The following ADAMTSL3 variants were observed in gnomAD, a reference collection of about 807,000 sequenced individuals.
ADAMTSL3 encodes ADAMTS-like protein 3.
Under a neutral mutation model 201.7 loss-of-function variants are expected in ADAMTSL3, and 128 were observed. The ratio of observed to expected loss-of-function variants is 0.63; its 90% CI spans 0.55 to 0.73. ADAMTSL3 has a LOEUF of 0.73. ADAMTSL3 is among the 30% of genes least tolerant of loss of function. The probability of loss-of-function intolerance (pLI) is 0.00; values close to 1 mark genes in which losing one functional copy is unlikely to be tolerated. For missense variants in ADAMTSL3, 1,990 were observed against 2,119.6 expected (o/e 0.94, Z 1.20); for synonymous variants, 738 against 748.4 (o/e 0.99, Z 0.23).
chr15:83,731,365 CAT>C (rs1349078499), intron 3 of ADAMTSL3, among the ~76,000 whole-genome samples: 1 of 152,052 alleles, frequency 6.6e-6, no homozygotes, highest in East Asian at 1.9e-4. Context: ...CAAAACATCT[CAT>C]ATCTATTAGG....
At chr15:83,824,200 C>T (rs558263541) in intron 6 of ADAMTSL3, among the ~76,000 whole-genome samples, 7 of 152,006 alleles carry the variant, frequency 4.6e-5, no homozygotes, top group South Asian at 2.1e-4. Flanking sequence ...TGTGCCATCA[C>T]GCTCAGCCAG....
chr15:83,979,959 T>C (rs2067355305), intron 20 of ADAMTSL3, among the ~76,000 whole-genome samples: 1 of 152,208 alleles, frequency 6.6e-6, no homozygotes, highest in African/African-American at 2.4e-5. Context: ...CTGGGGAACT[T>C]TAAAAAATTC....
chr15:83,812,901 A>G (rs1219577512), intron 5 of ADAMTSL3, among the ~76,000 whole-genome samples: 8 of 152,188 alleles, frequency 5.3e-5, no homozygotes, highest in Admixed American at 5.2e-4. Flanking sequence ...TTATTTCCAC[A>G]TTTACAGAGG....
At chr15:83,836,500 A>T (rs1019029304) in intron 6 of ADAMTSL3, among the ~76,000 whole-genome samples, 2 of 152,206 alleles carry the variant, frequency 1.3e-5, no homozygotes, top group South Asian at 4.1e-4. Flanking sequence ...AAGAATTGTT[A>T]TAAATAATTG....
At chr15:83,991,412 T>C (rs982618435) in intron 23 of ADAMTSL3, among the ~76,000 whole-genome samples, 198 bp downstream of exon 23, 2 of 152,178 alleles carry the variant, frequency 1.3e-5, no homozygotes, top group African/African-American at 4.8e-5. Context: ...GACCGATGTA[T>C]AAAACAGAAT....
chr15:83,700,327 CT>C (rs1178780420), intron 2 of ADAMTSL3, among the ~76,000 whole-genome samples: 26 of 152,168 alleles, frequency 1.7e-4, no homozygotes, highest in African/African-American at 6.3e-4. Context: ...GGCTTTTGCA[CT>C]TGTTCTTTTT....
At chr15:84,036,154 C>A (rs529874503) in intron 28 of ADAMTSL3, among the ~76,000 whole-genome samples, 21 of 152,176 alleles carry the variant, frequency 1.4e-4, no homozygotes, top group Non-Finnish European at 3.1e-4. Flanking sequence ...GCTCTATCCT[C>A]TTTAGCATGT....
intron 2 of ADAMTSL3, among the ~76,000 whole-genome samples, chr15:83,662,602 A>G (rs1257075773): frequency 1.7e-5 from 1 of 58,974 alleles, no homozygotes; most frequent in Non-Finnish European, 3.4e-5. Context: ...GAAAGAAAGA[A>G]AAAAAAAAAG....
chr15:83,778,611 A>C (rs2063118558), intron 4 of ADAMTSL3, among the ~76,000 whole-genome samples: 1 of 152,242 alleles, frequency 6.6e-6, no homozygotes, highest in Admixed American at 6.5e-5. Context: ...AGAGCTCCTG[A>C]AGGAAGCACT....
At chr15:83,943,307 T>G (rs1398586569) in intron 19 of ADAMTSL3, among the ~76,000 whole-genome samples, 1 of 152,166 alleles carries the variant, frequency 6.6e-6, no homozygotes, top group Non-Finnish European at 1.5e-5. Flanking sequence ...TTATTCAAAG[T>G]GTTATCATCA....
intron 17 of ADAMTSL3, among the ~76,000 whole-genome samples, chr15:83,924,328 C>T (rs143086520): frequency 4.5e-4 from 69 of 152,348 alleles, no homozygotes; most frequent in African/African-American, 1.6e-3. Context: ...TGTTCTCTTT[C>T]TCCTCCCTGT....
At chr15:83,745,242 G>A (rs540629813) in intron 3 of ADAMTSL3, among the ~76,000 whole-genome samples, 19 of 152,230 alleles carry the variant, frequency 1.2e-4, no homozygotes, top group African/African-American at 3.6e-4. Flanking sequence ...AGACACTTTC[G>A]TCGGCAATAA....
At chr15:83,721,456 A>T (rs2062099318) in intron 3 of ADAMTSL3, among the ~76,000 whole-genome samples, 1 of 152,218 alleles carries the variant, frequency 6.6e-6, no homozygotes, top group Admixed American at 6.5e-5. Flanking sequence ...TCAGACTCAG[A>T]AGCCTCTTAG....
At chr15:83,829,543 C>G (rs962003868) in intron 6 of ADAMTSL3, among the ~76,000 whole-genome samples, 1 of 152,066 alleles carries the variant, frequency 6.6e-6, no homozygotes, top group African/African-American at 2.4e-5. Flanking sequence ...CTGCTCTGAT[C>G]TTAGTTATTT....
At chr15:83,971,165 C>T (rs548364991) in intron 20 of ADAMTSL3, among the ~76,000 whole-genome samples, 34 of 152,238 alleles carry the variant, frequency 2.2e-4, no homozygotes, top group Non-Finnish European at 4.4e-4. Flanking sequence ...CATATTATGG[C>T]TTCATTATAG....
In ADAMTSL3 at chr15:83,923,921, G is replaced by A. The variant is rs1166776238; in HGVS notation, c.2005G>A (p.Ala669Thr). The A allele has an allele frequency of 6.2e-7, 1 of 1,614,070 alleles. No homozygotes were observed. Among genetic ancestry groups the A allele is most frequent in the South Asian group, 1.1e-5 (1 of 91,074 alleles). Residue 669 changes from alanine (A) to threonine (T), a missense_variant, in exon 17 of 30, where the codon GCA becomes ACA. Physicochemically the swap from Ala to Thr is moderately conservative, Grantham distance 58 (BLOSUM62 0). Transcript: ENST00000286744. ...ACCTGCAGGCCATCAAGAAGCCATA[G>A]CAGTGTGCTTACATATCCAGACCCA... ...TCVGGHQEAIAVCLHIQTQQT... is the reference protein window; with the variant it reads ...TCVGGHQEAITVCLHIQTQQT...
At chr15:83,957,853 A>C (rs1046757453) in intron 19 of ADAMTSL3, among the ~76,000 whole-genome samples, 9 of 152,204 alleles carry the variant, frequency 5.9e-5, no homozygotes, top group Non-Finnish European at 1.3e-4. Flanking sequence ...AAACCATGGA[A>C]GATGACTACC....
At chr15:83,948,899 A>G (rs1372625480) in intron 19 of ADAMTSL3, among the ~76,000 whole-genome samples, 1 of 152,124 alleles carries the variant, frequency 6.6e-6, no homozygotes, top group Admixed American at 6.6e-5. Context: ...TAGTAAATAT[A>G]TATTTTATGG....
At chr15:83,822,492 A>G (rs1287455137) in intron 6 of ADAMTSL3, among the ~76,000 whole-genome samples, 2 of 132,042 alleles carry the variant, frequency 1.5e-5, no homozygotes, top group Non-Finnish European at 3.1e-5. Flanking sequence ...GCGGCCGGGC[A>G]GAGACGCTCC....
Sources: gnomAD v4.1 joint callset for allele counts (sites outside exome capture counted in the v4.1 genomes callset) on GRCh38, gnomAD v4.1.1 for gene constraint, MANE v1.5 for transcripts, NCBI Gene and HGNC (gene_info 2026-07-23, HGNC 2026-07-21) for gene names.